The following CAMK1D variants were observed in gnomAD, a reference collection of about 807,000 sequenced individuals.
The protein encoded by CAMK1D is calcium/calmodulin dependent protein kinase ID.
A neutral mutation model predicts 47.7 loss-of-function variants in CAMK1D; 9 were observed. That is an observed-to-expected ratio of 0.19 (90% CI 0.11 to 0.33). CAMK1D has a LOEUF of 0.33. CAMK1D is among the 10% of genes least tolerant of loss of function. The pLI, the probability that CAMK1D is intolerant of heterozygous loss-of-function variation, is 1.00. For synonymous variants in CAMK1D, 184 were observed against 184.9 expected, an observed-to-expected ratio of 0.99 and a Z score of 0.04; for missense variants, 291 against 488.7, an observed-to-expected ratio of 0.60 and a Z score of 3.81.
chr10:12,398,596 G>A (rs967433379), intron 1 of CAMK1D, among the ~76,000 whole-genome samples: 37 of 152,226 alleles, frequency 2.4e-4, no homozygotes, highest in East Asian at 1.4e-3. Context: ...TGATCCGCCC[G>A]CCTCGGCCTC....
At chr10:12,635,409 T>G (rs1209609229) in intron 2 of CAMK1D, among the ~76,000 whole-genome samples, 1 of 152,196 alleles carries the variant, frequency 6.6e-6, no homozygotes, top group African/African-American at 2.4e-5. Context: ...ATGTCACCGA[T>G]GGGAATAGGT....
chr10:12,626,791 A>G (rs555644753), intron 2 of CAMK1D, among the ~76,000 whole-genome samples: 7 of 152,158 alleles, frequency 4.6e-5, no homozygotes, highest in African/African-American at 1.7e-4. Flanking sequence ...TAAATTTCTT[A>G]AAAATTTATT....
At chr10:12,786,308 A>T (rs1008517606) in intron 5 of CAMK1D, among the ~76,000 whole-genome samples, 1 of 152,190 alleles carries the variant, frequency 6.6e-6, no homozygotes, top group Admixed American at 6.5e-5. Context: ...CAGAAGACAA[A>T]TAGTTTACCC....
At chr10:12,665,576 T>C (rs989366405) in intron 2 of CAMK1D, among the ~76,000 whole-genome samples, 4 of 152,236 alleles carry the variant, frequency 2.6e-5, no homozygotes, top group African/African-American at 9.6e-5. Context: ...TGTCTTTAAA[T>C]GGTTCAGCAG....
intron 3 of CAMK1D, among the ~76,000 whole-genome samples, chr10:12,731,594 C>CA (rs1261491394): frequency 6.6e-6 from 1 of 152,086 alleles, no homozygotes; most frequent in Non-Finnish European, 1.5e-5. Context: ...ATGGCTTTGC[C>CA]AAGTAAATAA....
intron 1 of CAMK1D, among the ~76,000 whole-genome samples, chr10:12,419,739 C>A (rs1310900367): frequency 6.6e-6 from 1 of 151,776 alleles, no homozygotes; most frequent in East Asian, 1.9e-4. Context: ...GTTTTTTCAG[C>A]TTCTTAGGAC....
intron 2 of CAMK1D, among the ~76,000 whole-genome samples, chr10:12,652,680 AG>A (rs1173319454): frequency 6.6e-6 from 1 of 152,244 alleles, no homozygotes; most frequent in Admixed American, 6.5e-5. Context: ...ATTTGCAAAT[AG>A]CCCTGGAGGT....
chr10:12,425,454 G>A (rs942492732), intron 1 of CAMK1D, among the ~76,000 whole-genome samples: 5 of 151,946 alleles, frequency 3.3e-5, no homozygotes, highest in Non-Finnish European at 7.4e-5. Flanking sequence ...GCTAATTTTT[G>A]TATTTTTAGT....
intron 1 of CAMK1D, among the ~76,000 whole-genome samples, chr10:12,525,999 C>T (rs1835608613): frequency 6.6e-6 from 1 of 152,194 alleles, no homozygotes; most frequent in Non-Finnish European, 1.5e-5. Context: ...CTCCAGTGAT[C>T]CGCCTGCTGT....
intron 2 of CAMK1D, among the ~76,000 whole-genome samples, chr10:12,574,290 CT>C (rs1837421307): frequency 6.6e-6 from 1 of 151,276 alleles, no homozygotes; most frequent in Non-Finnish European, 1.5e-5. Flanking sequence ...CCTAGGGGAT[CT>C]TTCTTTCTGT....
chr10:12,526,897 C>CA (rs202209844), intron 1 of CAMK1D, among the ~76,000 whole-genome samples: 46,410 of 129,720 alleles, frequency 0.36, 8,612 homozygotes, highest in Middle Eastern at 0.45. Flanking sequence ...AACCCTATCT[C>CA]AAAAAAAAAA....
chr10:12,758,900 G>A (rs962787653), intron 3 of CAMK1D, among the ~76,000 whole-genome samples: 1 of 152,186 alleles, frequency 6.6e-6, no homozygotes, highest in African/African-American at 2.4e-5. Flanking sequence ...CAGTTAGGGA[G>A]GCTGCTACTG....
intron 2 of CAMK1D, among the ~76,000 whole-genome samples, chr10:12,661,416 A>G (rs986528645): frequency 1.3e-5 from 2 of 152,230 alleles, no homozygotes; most frequent in African/African-American, 4.8e-5. Flanking sequence ...TGATCTTGGA[A>G]TACTTACCTA....
At chr10:12,757,913 A>G (rs1008654713) in intron 3 of CAMK1D, among the ~76,000 whole-genome samples, 1 of 132,322 alleles carries the variant, frequency 7.6e-6, no homozygotes, top group Admixed American at 9.2e-5. Context: ...GTGCAATGGC[A>G]TGATCTCGGC....
At chr10:12,639,645 G>C (rs1449883499) in intron 2 of CAMK1D, among the ~76,000 whole-genome samples, 2 of 151,988 alleles carry the variant, frequency 1.3e-5, no homozygotes, top group African/African-American at 2.4e-5. Context: ...GTGTAACCTT[G>C]TTTTCAAGGA....
Position 12,761,097 on chromosome 10 carries a change from C to A in CAMK1D, c.438+11C>A, listed in dbSNP as rs754582739. ...CACAGAGACCTCAAGGTGAGGCCAT[C>A]GCTCAGCAGCATCCTGCAGCCACTC... On this transcript the variant is annotated intron_variant, in intron 4 of 10. Transcript: ENST00000619168. 6.2e-7 allele frequency: 1 copy of A among 1,611,232 alleles called. No individual in the cohort carries two copies. Among genetic ancestry groups the A allele is most frequent in the Non-Finnish European group, 8.5e-7 (1 of 1,177,910 alleles).
chr10:12,520,950 G>A (rs1490628018), intron 1 of CAMK1D, among the ~76,000 whole-genome samples: 1 of 132,700 alleles, frequency 7.5e-6, no homozygotes, highest in Non-Finnish European at 1.6e-5. Context: ...GAGAGGGAGG[G>A]GGAGGGGGAG....
chr10:12,609,598 T>C (rs1401294668), intron 2 of CAMK1D, among the ~76,000 whole-genome samples: 3 of 152,046 alleles, frequency 2.0e-5, no homozygotes, highest in Non-Finnish European at 4.4e-5. Flanking sequence ...CAGTTCACAA[T>C]AGGGTTCATA....
At position 12,554,659 on chromosome 10, in the gene CAMK1D, C is replaced by T. The variant is rs907981801; in HGVS notation, c.224+1303C>T. On this transcript the variant is annotated intron_variant, in intron 2 of 10. Transcript: ENST00000619168. Reference sequence around the variant, plus strand: ...TCAAGTGATCTTCCCACCTCTGGCTCCTGAGTAGCTAGGACTGTAGGCACA... The same window carrying T: ...TCAAGTGATCTTCCCACCTCTGGCTTCTGAGTAGCTAGGACTGTAGGCACA... 2.0e-5 allele frequency among the ~76,000 whole-genome samples: 3 copies of T among 152,152 alleles called. No homozygotes were observed. The East Asian group carries it at 5.8e-4, about 29-fold the overall frequency.
Sources: gnomAD v4.1 joint callset for allele counts (sites outside exome capture counted in the v4.1 genomes callset) on GRCh38, gnomAD v4.1.1 for gene constraint, MANE v1.5 for transcripts, NCBI Gene and HGNC (gene_info 2026-07-23, HGNC 2026-07-21) for gene names.